PCNX1: variants seen among roughly 807,000 people sequenced by gnomAD.
The protein encoded by PCNX1 is pecanex-like protein 1.
A neutral mutation model predicts 242.2 loss-of-function variants in PCNX1; 78 were observed. That is an observed-to-expected ratio of 0.32 (90% CI 0.27 to 0.39). The LOEUF (loss-of-function observed/expected upper bound fraction) is 0.39, where lower values mean the gene tolerates loss of function less well. Ranked by LOEUF, PCNX1 falls within the 10% of genes least tolerant of loss-of-function variation. PCNX1 has a pLI of 1.00. For missense variants in PCNX1, 2,581 were observed against 2,856.5 expected (o/e 0.90, Z 2.20); for synonymous variants, 1,024 against 1,032.9 (o/e 0.99, Z 0.17).
In PCNX1 at chr14:70,977,465, A is replaced by G. The variant is rs772734553; in HGVS notation, c.1128A>G (p.Thr376=). The part of the protein sequence containing the change: ...KSMDSLRSLS[T]RSSGSTESYC... ...TGGACAGCTTGAGGAGCCTGAGCAC[A>G]CGGAGTAGTGGGTCAACAGAAAGCT... is the stretch of plus-strand genomic sequence containing the variant. The change falls in exon 6 of 36, where the codon ACA becomes ACG. Residue 376 remains threonine (T), a synonymous_variant. Coordinates refer to ENST00000304743, the MANE Select transcript of PCNX1 (RefSeq NM_014982.3). 9.3e-6 allele frequency: 15 copies of G among 1,614,130 alleles called. No homozygotes were observed. The highest frequency in any genetic ancestry group is 7.7e-5 in the South Asian group (7 of 91,090).
chr14:71,027,802 T>C (rs1284857890), intron 15 of PCNX1, among the ~76,000 whole-genome samples: 2 of 151,958 alleles, frequency 1.3e-5, no homozygotes, highest in Non-Finnish European at 2.9e-5. Context: ...AAGACAGAAC[T>C]GGTTTCATCA....
At chr14:70,955,039 A>G (rs149606719) in intron 2 of PCNX1, among the ~76,000 whole-genome samples, 116 of 152,336 alleles carry the variant, frequency 7.6e-4, no homozygotes, top group African/African-American at 2.6e-3. Flanking sequence ...ATGAATAAAT[A>G]TAGCAGAACT....
intron 6 of PCNX1, among the ~76,000 whole-genome samples, chr14:70,987,625 A>C (rs911617159): frequency 6.6e-6 from 1 of 152,168 alleles, no homozygotes; most frequent in Non-Finnish European, 1.5e-5. Context: ...ATGATTCCCA[A>C]ATTATTTAGA....
At position 71,009,508 on chromosome 14, in the gene PCNX1, A is replaced by T. The variant is rs569637845; in HGVS notation, c.2630-126A>T. The T allele has an allele frequency of 1.7e-5, 8 of 474,032 alleles. No individual in the cohort carries two copies. In the South Asian group the frequency reaches 4.4e-4, roughly 26 times the overall value. The allele number at this position is 474,032 out of a possible 1,614,324, so 29.4% of individuals were successfully genotyped here. A position where few individuals can be genotyped will look rare whatever the true frequency, so the allele number is the denominator to read the frequency against. On this transcript the variant is annotated intron_variant, in intron 8 of 35. Transcript: ENST00000304743. ...GAATTACATGCAGATCATTGTTTTAAAAAAATTTTTTTTAAAGGTTATGGT... is the reference window on the plus strand; with the variant it reads ...GAATTACATGCAGATCATTGTTTTATAAAAATTTTTTTTAAAGGTTATGGT...
chr14:71,017,718 A>AT (rs1423258899), intron 11 of PCNX1, among the ~76,000 whole-genome samples: 1 of 152,224 alleles, frequency 6.6e-6, no homozygotes, highest in Non-Finnish European at 1.5e-5. Context: ...GGGAGGCACT[A>AT]TTCAGGCAGG....
intron 1 of PCNX1, among the ~76,000 whole-genome samples, chr14:70,908,946 G>A (rs1313119269): frequency 6.6e-6 from 1 of 152,218 alleles, no homozygotes; most frequent in Non-Finnish European, 1.5e-5. Context: ...GGACAGAGAT[G>A]TTACTTAAGG....
chr14:71,001,006 A>C (rs2059490104), intron 8 of PCNX1, among the ~76,000 whole-genome samples: 1 of 152,196 alleles, frequency 6.6e-6, no homozygotes, highest in African/African-American at 2.4e-5. Context: ...TTCCTCAGTT[A>C]TCAAAGGATG....
At chr14:70,981,450 T>C (rs983986448) in intron 6 of PCNX1, among the ~76,000 whole-genome samples, 1 of 152,182 alleles carries the variant, frequency 6.6e-6, no homozygotes, top group Admixed American at 6.5e-5. Flanking sequence ...TAACATCAAT[T>C]TAGTGACATG....
chr14:70,978,432 G>A lies in PCNX1; in HGVS notation c.2095G>A (p.Ala699Thr). 1.9e-6 allele frequency: 3 copies of A among 1,614,128 alleles called. No homozygotes were observed. The highest frequency in any genetic ancestry group is 1.6e-4 in the Middle Eastern group (1 of 6,062). ...RVLSLDSGTV[A>T]CLNDSNRLMA... ...GTTGAGCCTGGACAGTGGCACAGTA[G>A]CATGTTTGAATGACTCAAACAGGTT... The change falls in exon 6 of 36, where the codon GCA (alanine) becomes ACA (threonine). Residue 699 changes from alanine to threonine, a missense_variant. Ala to Thr is a moderately conservative substitution (Grantham distance 58, BLOSUM62 0). Around this residue, in one of 9 missense-constraint regions of PCNX1, gnomAD observed 1,204 missense variants for 1,216.7 expected, o/e 0.99. Transcript: ENST00000304743.
chr14:70,945,796 T>A (rs574497411), intron 1 of PCNX1, among the ~76,000 whole-genome samples: 33 of 152,240 alleles, frequency 2.2e-4, no homozygotes, highest in African/African-American at 7.5e-4. Context: ...GCCTCCCAAG[T>A]AGCTGGGATT....
At chr14:71,036,372 C>A (rs2060532444) in intron 19 of PCNX1, among the ~76,000 whole-genome samples, 2 of 152,034 alleles carry the variant, frequency 1.3e-5, no homozygotes. Context: ...GAAACTGAGT[C>A]TTGTTGTGTT....
At chr14:70,938,444 G>A (rs1446563042) in intron 1 of PCNX1, among the ~76,000 whole-genome samples, 1 of 152,174 alleles carries the variant, frequency 6.6e-6, no homozygotes, top group African/African-American at 2.4e-5. Context: ...GTTGATTTGT[G>A]TATATTGAAC....
intron 26 of PCNX1, among the ~76,000 whole-genome samples, chr14:71,069,904 A>T (rs1368404630): frequency 6.6e-6 from 1 of 152,174 alleles, no homozygotes; most frequent in East Asian, 1.9e-4. Flanking sequence ...TTGTTTGATG[A>T]AGGATTCCTC....
intron 8 of PCNX1, among the ~76,000 whole-genome samples, chr14:71,004,355 A>G (rs1044175773): frequency 6.6e-6 from 1 of 152,260 alleles, no homozygotes; most frequent in African/African-American, 2.4e-5. Flanking sequence ...AGGGCTGCAC[A>G]GCAGGAGGTG....
At chr14:70,990,556 C>A (rs1325435405) in intron 7 of PCNX1, among the ~76,000 whole-genome samples, 6 of 134,308 alleles carry the variant, frequency 4.5e-5, no homozygotes, top group African/African-American at 1.7e-4. Context: ...CAGAGGGAGA[C>A]TCCATCTCAA....
rs2061480283 is a variant in PCNX1, at chr14:71,067,572, T to G, written c.4853-5973T>G. 7.9e-5 allele frequency among the ~76,000 whole-genome samples: 12 copies of G among 152,128 alleles called. 1 individual carries two copies. Among genetic ancestry groups the G allele is most frequent in the Admixed American group, 7.9e-4 (12 of 15,264 alleles). ...AAAAACCAGCTCCTAGCTTCATTGA[T>G]TTTTTTGAAGGGTTTTTTGTGTCTC... On this transcript the variant is annotated intron_variant, in intron 26 of 35. Transcript: ENST00000304743.
At position 70,978,579 on chromosome 14, in the gene PCNX1, C is replaced by T. The variant is rs769434999; in HGVS notation, c.2242C>T (p.Arg748Ter). Residue 748 changes from arginine (R) to a stop codon, truncating the protein, a stop_gained, in exon 6 of 36, where the codon CGA becomes TGA. Coordinates refer to ENST00000304743, the MANE Select transcript of PCNX1 (RefSeq NM_014982.3). LOFTEE classifies it high-confidence loss of function. Reference protein sequence around the residue: ...GRASQLETVTRSRNSLPNQVA... With the variant: ...GRASQLETVT ...GGCTTCCCAGTTAGAGACAGTCACT[C>T]GATCTAGGAATAGCTTGCCAAACCA... 6.2e-7 allele frequency: 1 copy of T among 1,613,936 alleles called. No homozygotes were observed.
chr14:71,067,121 C>T (rs1441130429), intron 26 of PCNX1, among the ~76,000 whole-genome samples: 1 of 151,764 alleles, frequency 6.6e-6, no homozygotes, highest in Non-Finnish European at 1.5e-5. Context: ...ATGATGCTGG[C>T]CTCATAAAAT....
chr14:70,964,919 T>C (rs73293816), intron 3 of PCNX1, among the ~76,000 whole-genome samples: 4,290 of 152,288 alleles, frequency 0.028, 174 homozygotes, highest in African/African-American at 0.097. Context: ...TCTTACACTT[T>C]AGAGAAGCTG....
Sources: allele counts gnomAD v4.1 joint callset (sites outside exome capture counted in the v4.1 genomes callset), GRCh38; gene constraint gnomAD v4.1.1; regional missense constraint gnomAD v4.1.1; transcripts MANE v1.5; gene names NCBI Gene and HGNC (gene_info 2026-07-23, HGNC 2026-07-21).